The following SLC9A3 variants were observed in gnomAD, a reference collection of about 807,000 sequenced individuals.
SLC9A3 encodes sodium/hydrogen exchanger 3.
SLC9A3 carries 37 observed loss-of-function variants against 86.8 expected under a neutral mutation model. That is an observed-to-expected ratio of 0.43 (90% CI 0.33 to 0.56). The LOEUF (loss-of-function observed/expected upper bound fraction) is 0.56. SLC9A3 is among the 20% of genes least tolerant of loss of function. The probability of loss-of-function intolerance (pLI) is 0.06; values close to 1 mark genes in which losing one functional copy is unlikely to be tolerated. For missense variants in SLC9A3, 1,011 were observed against 1,171.9 expected, an observed-to-expected ratio of 0.86 and a Z score of 2.00; for synonymous variants, 581 against 528.3, an observed-to-expected ratio of 1.10 and a Z score of -1.37.
In SLC9A3 at chr5:483,416, G is replaced by A; in HGVS notation, c.999C>T (p.Thr333=). 1 of 1,584,196 alleles carries A rather than the reference G, an allele frequency of 6.3e-7. No homozygotes were observed. Among genetic ancestry groups the A allele is most frequent in the South Asian group, 1.2e-5 (1 of 86,808 alleles). ...VKANISEQSA[T]TVRYTMKMLA... is the part of the protein sequence containing the mutation. ...GCATCTTCATGGTGTAGCGCACGGTGGTGGCCGACTGCTCCGAGATGTTGG... is the reference window on the plus strand; with the variant it reads ...GCATCTTCATGGTGTAGCGCACGGTAGTGGCCGACTGCTCCGAGATGTTGG... Residue 333 remains threonine, a synonymous_variant, in exon 6 of 17, where the codon ACC becomes ACT. Coordinates refer to ENST00000264938, the MANE Select transcript of SLC9A3 (RefSeq NM_004174.4).
chr5:512,193 T>G (rs1209259502), intron 1 of SLC9A3, among the ~76,000 whole-genome samples: 1 of 152,232 alleles, frequency 6.6e-6, no homozygotes, highest in East Asian at 1.9e-4. Context: ...TCCATGTCGT[T>G]GTACCCATGT....
At chr5:510,139 C>T (rs949246100) in intron 1 of SLC9A3, among the ~76,000 whole-genome samples, 19 of 152,358 alleles carry the variant, frequency 1.2e-4, no homozygotes, top group African/African-American at 4.3e-4. Flanking sequence ...CCTGGCGGAG[C>T]GCGGCAGCTT....
intron 1 of SLC9A3, among the ~76,000 whole-genome samples, chr5:501,391 C>T (rs557927391): frequency 1.1e-4 from 16 of 152,340 alleles, no homozygotes; most frequent in African/African-American, 3.8e-4. Flanking sequence ...AACAGGAACA[C>T]GTCCCGGAGG....
Position 489,288 on chromosome 5 carries a change from G to A in SLC9A3, c.515-812C>T, listed in dbSNP as rs867883987. ...CGTGAGGGTCCAGGGACCAGGAGAC[G>A]CCAGGGCCGTGAGGGTGTGGGAGAG... On this transcript the variant is annotated intron_variant, in intron 2 of 16. Coordinates refer to ENST00000264938, the MANE Select transcript of SLC9A3 (RefSeq NM_004174.4). Among the ~76,000 whole-genome samples the A allele has an allele frequency of 1.1e-4, 17 of 152,224 alleles. No individual in the cohort carries two copies. In the East Asian group the frequency reaches 1.6e-3, roughly 14 times the overall value.
rs891923351 is a variant in SLC9A3 at position 472,358 on chromosome 5, C to T, written c.*1021G>A. 1.5e-5 allele frequency: 5 copies of T among 333,414 alleles called. No homozygotes were observed. The Admixed American group carries it at 2.2e-4, about 15-fold the overall frequency. The allele number at this position is 333,414 out of a possible 1,614,324, so 20.7% of individuals were successfully genotyped here. ...CTGGTAGGGGGGCGGTGCCCTGGGC[C>T]CCTCCATGCCCCCTGGTTTGTTAAG... On this transcript the variant is annotated 3_prime_UTR_variant, in exon 17 of 17. Transcript: ENST00000264938.
intron 1 of SLC9A3, among the ~76,000 whole-genome samples, chr5:493,194 G>A (rs1034443069): frequency 2.6e-5 from 4 of 152,104 alleles, no homozygotes; most frequent in South Asian, 2.1e-4. Context: ...AATGAGGTGC[G>A]TCCTCCGGCT....
intron 9 of SLC9A3, 46 bp downstream of exon 9, chr5:481,519 A>C (rs773185024): frequency 6.7e-7 from 1 of 1,489,644 alleles, no homozygotes; most frequent in Non-Finnish European, 9.4e-7. Flanking sequence ...GGATGTTTCC[A>C]GAAGCCGGGC....
chr5:491,105 G>T lies in SLC9A3; in HGVS notation c.514+664C>A, dbSNP rs1273520713. 6.6e-6 allele frequency among the ~76,000 whole-genome samples: 1 copy of T among 152,212 alleles called. No homozygotes were observed. Among genetic ancestry groups the T allele is most frequent in the South Asian group, 2.1e-4 (1 of 4,838 alleles). On this transcript the variant is annotated intron_variant, in intron 2 of 16. Coordinates refer to ENST00000264938, the MANE Select transcript of SLC9A3 (RefSeq NM_004174.4). The surrounding 1 kb of genome is among the most constrained non-coding windows in gnomAD (Gnocchi z 9.2). Reference sequence around the variant, plus strand: ...GCTGAGTTCTCAGACCGGTGAGGGCGGCAGGTGCCGGAGGCCTGCGCTCAG... The same window carrying T: ...GCTGAGTTCTCAGACCGGTGAGGGCTGCAGGTGCCGGAGGCCTGCGCTCAG...
chr5:482,597 A>G lies in SLC9A3; in HGVS notation c.1307T>C (p.Leu436Pro). The change falls in exon 7 of 17, where the codon CTG (leucine) becomes CCG (proline). Residue 436 changes from leucine to proline, a missense_variant. Coordinates refer to ENST00000264938, the MANE Select transcript of SLC9A3 (RefSeq NM_004174.4). ...TACGATGATGGTGGTGCTGACGAACAGGTTCTTCTCCTTGACCTTGTCTCC... is the reference window on the plus strand; with the variant it reads ...TACGATGATGGTGGTGCTGACGAACGGGTTCTTCTCCTTGACCTTGTCTCC... ...LDGDKVKEKNLFVSTTIIVVF... is the reference protein window; with the variant it reads ...LDGDKVKEKNPFVSTTIIVVF... 1 of 1,612,852 alleles carries G rather than the reference A, an allele frequency of 6.2e-7. No individual in the cohort carries two copies. The highest frequency in any genetic ancestry group is 8.5e-7 in the Non-Finnish European group (1 of 1,179,912).
chr5:489,867 C>T (rs1187247852), intron 2 of SLC9A3, among the ~76,000 whole-genome samples: 4 of 152,226 alleles, frequency 2.6e-5, no homozygotes, highest in Non-Finnish European at 4.4e-5. Context: ...CAGGAGGGCT[C>T]ATGCCACCAG....
At chr5:522,358 C>G (rs1472936191) in intron 1 of SLC9A3, among the ~76,000 whole-genome samples, 2 of 152,220 alleles carry the variant, frequency 1.3e-5, no homozygotes, top group Non-Finnish European at 2.9e-5. Flanking sequence ...TCTGCCGGCT[C>G]CCAGGCGGGG....
At chr5:489,982 C>T (rs150231707) in intron 2 of SLC9A3, among the ~76,000 whole-genome samples, 48 of 152,356 alleles carry the variant, frequency 3.2e-4, no homozygotes, top group East Asian at 1.2e-3. Context: ...GGACAGCCCC[C>T]GGGCCAGCAC....
chr5:492,694 G>A lies in SLC9A3; in HGVS notation c.212-623C>T, dbSNP rs370800847. Reference sequence around the variant, plus strand: ...CCTCTGACCTGCCGCCCCACCGCCCGGCTGGTTCTGGTCCCCCGGACCCCC... The same window carrying A: ...CCTCTGACCTGCCGCCCCACCGCCCAGCTGGTTCTGGTCCCCCGGACCCCC... On this transcript the variant is annotated intron_variant, in intron 1 of 16. Coordinates refer to ENST00000264938, the MANE Select transcript of SLC9A3 (RefSeq NM_004174.4). Among the ~76,000 whole-genome samples, 13 of 152,168 alleles carry A rather than the reference G, an allele frequency of 8.5e-5. 1 individual carries two copies. The East Asian group carries it at 1.2e-3, about 14-fold the overall frequency.
rs147638874 is a variant in SLC9A3 at position 501,421 on chromosome 5, A to G, written c.212-9350T>C. Among the ~76,000 whole-genome samples, 726 of 152,320 alleles carry G rather than the reference A, an allele frequency of 4.8e-3. 5 individuals are homozygous for G. Among genetic ancestry groups the G allele is most frequent in the African/African-American group, 0.017 (705 of 41,570 alleles). The stretch of plus-strand genomic sequence containing the variant: ...CGGAGGATTAAACTCTGCCTCCCAG[A>G]AACAGCCTGGCTGAGCGGTGGGGCG... On this transcript the variant is annotated intron_variant, in intron 1 of 16. Coordinates refer to ENST00000264938, the MANE Select transcript of SLC9A3 (RefSeq NM_004174.4).
At position 497,061 on chromosome 5, in the gene SLC9A3, T is replaced by A. The variant is rs890618150; in HGVS notation, c.212-4990A>T. On this transcript the variant is annotated intron_variant, in intron 1 of 16. Coordinates refer to ENST00000264938, the MANE Select transcript of SLC9A3 (RefSeq NM_004174.4). The surrounding 1 kb of genome is among the most constrained non-coding windows in gnomAD (Gnocchi z 5.4). The stretch of plus-strand genomic sequence containing the variant: ...CGGAGGCCTTGTCTCAAAAAAAAAA[T>A]TTTTTTTTTACTTGAATTTAACAGA... Among the ~76,000 whole-genome samples the A allele has an allele frequency of 1.0e-4, 15 of 150,458 alleles. No homozygotes were observed. The highest frequency in any genetic ancestry group is 2.1e-4 in the South Asian group (1 of 4,738).
chr5:483,540 G>C, intron 5 of SLC9A3, 58 bp from the exon 6 acceptor site: 1 of 1,257,828 alleles, frequency 8.0e-7, no homozygotes, highest in Non-Finnish European at 1.1e-6. Context: ...CGAGGCCCCC[G>C]TGTCCGCCCA....
Position 485,229 on chromosome 5 carries a change from A to G in SLC9A3, c.678T>C (p.Val226=). Residue 226 remains valine (V), a splice_region_variant and synonymous_variant, in exon 4 of 17, where the codon GTT becomes GTC. Coordinates refer to ENST00000264938, the MANE Select transcript of SLC9A3 (RefSeq NM_004174.4). ...CGAAAGATTCAAACACATTGTACAG[A>G]ACCTGCAGGGAAAACGGGCAGGGCG... ...ESLLNDAVTV[V]LYNVFESFVA... is the part of the protein sequence containing the mutation. 2 of 1,613,298 alleles carry G rather than the reference A, an allele frequency of 1.2e-6. No homozygotes were observed. The highest frequency in any genetic ancestry group is 2.2e-5 in the South Asian group (2 of 91,070).
At chr5:492,558 G>C (rs926814549) in intron 1 of SLC9A3, among the ~76,000 whole-genome samples, 6 of 152,060 alleles carry the variant, frequency 3.9e-5, no homozygotes, top group African/African-American at 1.2e-4. Context: ...GGCTGGGAAC[G>C]AGGAGAGTGC....
chr5:476,202 C>T lies in SLC9A3; in HGVS notation c.2067G>A (p.Arg689=), dbSNP rs1738719585. The change falls in exon 13 of 17, where the codon CGG becomes CGA. Residue 689 remains arginine, a splice_region_variant and synonymous_variant. Transcript: ENST00000264938. ...AAGCCTCCTGGTGACCCAGCCTTACCCGCTTCTGGGCACGCTCCCGCTTGT... is the reference window on the plus strand; with the variant it reads ...AAGCCTCCTGGTGACCCAGCCTTACTCGCTTCTGGGCACGCTCCCGCTTGT... ...KLYKRERAQK[R]RNSSIPNGKL... 1 of 1,613,584 alleles carries T rather than the reference C, an allele frequency of 6.2e-7. No homozygotes were observed. The highest frequency in any genetic ancestry group is 1.3e-5 in the African/African-American group (1 of 74,940).
Sources: gnomAD v4.1 joint callset for allele counts (sites outside exome capture counted in the v4.1 genomes callset) on GRCh38, gnomAD v4.1.1 for gene constraint, Gnocchi (gnomAD v3.1) non-coding constraint, MANE v1.5 for transcripts, NCBI Gene and HGNC (gene_info 2026-07-23, HGNC 2026-07-21) for gene names.